FDFT1: variants seen among roughly 807,000 people sequenced by gnomAD.
FDFT1 encodes the protein farnesyl-diphosphate farnesyltransferase 1, also known as squalene synthase.
A neutral mutation model predicts 46.8 loss-of-function variants in FDFT1; 68 were observed. That is an observed-to-expected ratio of 1.45 (90% CI 1.19 to 1.78). The LOEUF (loss-of-function observed/expected upper bound fraction) is 1.78, where lower values mean the gene tolerates loss of function less well. Among genes scored for constraint, FDFT1 ranks in the 40% most tolerant of loss-of-function variants. The pLI, the probability that FDFT1 is intolerant of heterozygous loss-of-function variation, is 0.00. For synonymous variants in FDFT1, 351 were observed against 185.1 expected, an observed-to-expected ratio of 1.90 and a Z score of -7.28; for missense variants, 928 against 524.4, an observed-to-expected ratio of 1.77 and a Z score of -7.52.
chr8:11,805,775 T>G (rs2130690705), intron 1 of FDFT1, among the ~76,000 whole-genome samples: 1 of 152,322 alleles, frequency 6.6e-6, no homozygotes, highest in East Asian at 1.9e-4. Context: ...AGGTGCTACT[T>G]CACACTGACT....
At chr8:11,806,539 G>T (rs778838844) in intron 1 of FDFT1, among the ~76,000 whole-genome samples, 1 of 152,138 alleles carries the variant, frequency 6.6e-6, no homozygotes, top group Non-Finnish European at 1.5e-5. Context: ...TGGAAAGGAG[G>T]GGTAGTGTTC....
Position 11,838,793 on chromosome 8 carries a change from G to A in FDFT1, c.*184G>A, listed in dbSNP as rs1563352562. 1 of 606,016 alleles carries A rather than the reference G, an allele frequency of 1.7e-6. No homozygotes were observed. Among genetic ancestry groups the A allele is most frequent in the Non-Finnish European group, 2.9e-6 (1 of 340,698 alleles). The allele number at this position is 606,016 out of a possible 1,614,324, so 37.5% of individuals were successfully genotyped here. On this transcript the variant is annotated 3_prime_UTR_variant, in exon 8 of 8. Transcript: ENST00000220584. Reference sequence around the variant, plus strand: ...GAACCTAAACATGAAAGGAAAGGGTGCCTCATCCCAGCAACCTGTCCTTGT... The same window carrying A: ...GAACCTAAACATGAAAGGAAAGGGTACCTCATCCCAGCAACCTGTCCTTGT...
intron 5 of FDFT1, among the ~76,000 whole-genome samples, chr8:11,828,215 G>A (rs1199995680): frequency 6.6e-6 from 1 of 152,118 alleles, no homozygotes; most frequent in Non-Finnish European, 1.5e-5. Context: ...CTGAGCCCAG[G>A]AGTTCAAGGC....
At chr8:11,809,545 C>G (rs772447461) in intron 2 of FDFT1, 122 bp from the exon 3 acceptor site, 130 of 1,298,138 alleles carry the variant, frequency 1.0e-4, no homozygotes, top group Non-Finnish European at 1.3e-4. Context: ...GTTGGATATC[C>G]TTATAGTTCT....
intron 3 of FDFT1, among the ~76,000 whole-genome samples, chr8:11,813,548 G>C (rs1050412814): frequency 8.5e-5 from 13 of 152,310 alleles, no homozygotes; most frequent in Admixed American, 3.9e-4. Context: ...TTAAGTGACA[G>C]AATCAATGAA....
intron 3 of FDFT1, 73 bp downstream of exon 3, chr8:11,809,923 C>A: frequency 8.5e-7 from 1 of 1,171,210 alleles, no homozygotes; most frequent in Non-Finnish European, 1.2e-6. Flanking sequence ...CGGTAGCCTC[C>A]ATACATGTGG....
intron 6 of FDFT1, 138 bp from the exon 7 acceptor site, chr8:11,831,380 T>G: frequency 1.4e-6 from 1 of 692,564 alleles, no homozygotes; most frequent in South Asian, 2.0e-5. Flanking sequence ...TCGTGGGTAT[T>G]TTTTCTTGAG....
chr8:11,826,460 C>A (rs1230271408), intron 5 of FDFT1, among the ~76,000 whole-genome samples: 1 of 152,176 alleles, frequency 6.6e-6, no homozygotes, highest in African/African-American at 2.4e-5. Context: ...GACGGTCTTT[C>A]TCCAAGTGGT....
At chr8:11,821,985 G>C (rs1349065946) in intron 4 of FDFT1, 107 bp downstream of exon 4, 2 of 1,335,014 alleles carry the variant, frequency 1.5e-6, no homozygotes, top group Admixed American at 2.0e-5. Flanking sequence ...CAGCCCCTCT[G>C]GTTTTACAAT....
chr8:11,818,931 C>T (rs189537686), intron 3 of FDFT1, among the ~76,000 whole-genome samples: 1 of 152,186 alleles, frequency 6.6e-6, no homozygotes, highest in Admixed American at 6.5e-5. Flanking sequence ...TTAATTGATG[C>T]AGTTTCTTCC....
intron 3 of FDFT1, among the ~76,000 whole-genome samples, chr8:11,811,744 C>T (rs1227968738): frequency 1.3e-5 from 2 of 152,222 alleles, no homozygotes; most frequent in African/African-American, 4.8e-5. Flanking sequence ...GAGCAGAAGG[C>T]GTAAGCCAGG....
intron 3 of FDFT1, among the ~76,000 whole-genome samples, chr8:11,812,197 G>A (rs933953525): frequency 2.0e-5 from 3 of 152,198 alleles, no homozygotes; most frequent in Admixed American, 1.3e-4. Flanking sequence ...TTCAGCTCTC[G>A]TGGGCTCTCC....
chr8:11,807,795 G>C (rs1236757008), intron 1 of FDFT1: 1 of 152,244 alleles, frequency 6.6e-6, no homozygotes, highest in Non-Finnish European at 1.5e-5. Context: ...CTAGAGAATA[G>C]TAGAGGCTTA....
intron 1 of FDFT1, among the ~76,000 whole-genome samples, chr8:11,806,782 A>G (rs1806901649): frequency 6.6e-6 from 1 of 152,132 alleles, no homozygotes; most frequent in Admixed American, 6.5e-5. Context: ...GCCTCTCGAT[A>G]TTTTGAGAAG....
At chr8:11,818,754 C>T (rs776680675) in intron 3 of FDFT1, among the ~76,000 whole-genome samples, 48 of 152,094 alleles carry the variant, frequency 3.2e-4, no homozygotes, top group Non-Finnish European at 6.2e-4. Flanking sequence ...CATCTCTGCA[C>T]GTGAGACGGG....
intron 7 of FDFT1, chr8:11,831,925 C>G: frequency 2.8e-6 from 1 of 354,450 alleles, no homozygotes; most frequent in South Asian, 5.8e-5. Flanking sequence ...TCAGTAGAAT[C>G]ATAGATTTTG....
At chr8:11,812,369 T>C (rs563638601) in intron 3 of FDFT1, among the ~76,000 whole-genome samples, 5 of 152,122 alleles carry the variant, frequency 3.3e-5, no homozygotes, top group Admixed American at 6.5e-5. Context: ...AAGGGCTGTG[T>C]TGGGGAGTGT....
At position 11,838,536 on chromosome 8, in the gene FDFT1, C is replaced by T. The variant is rs761351505; in HGVS notation, c.1181C>T (p.Ala394Val). The T allele has an allele frequency of 3.1e-6, 5 of 1,610,226 alleles. No individual in the cohort carries two copies. The highest frequency in any genetic ancestry group is 1.7e-5 in the Admixed American group (1 of 59,266). ...PIYLSFVMLLAALSWQYLTTL... is the reference protein window; with the variant it reads ...PIYLSFVMLLVALSWQYLTTL... ...TACCTGTCGTTTGTCATGCTTTTGG[C>T]TGCCCTGAGCTGGCAGTACCTGACC... Residue 394 changes from alanine (A) to valine (V), a missense_variant, in exon 8 of 8, where the codon GCT becomes GTT. Physicochemically the swap from Ala to Val is moderately conservative, Grantham distance 64. Transcript: ENST00000220584.
At chr8:11,808,917 G>C in intron 2 of FDFT1, 26 bp downstream of exon 2, 1 of 1,607,684 alleles carries the variant, frequency 6.2e-7, no homozygotes, top group Non-Finnish European at 8.5e-7. Context: ...AGCGCCTCTG[G>C]CTTGGAGGAA....
Sources: allele counts gnomAD v4.1 joint callset (sites outside exome capture counted in the v4.1 genomes callset), GRCh38; gene constraint gnomAD v4.1.1; transcripts MANE v1.5; gene names NCBI Gene and HGNC (gene_info 2026-07-23, HGNC 2026-07-21).